SRF: variants seen among roughly 807,000 people sequenced by gnomAD.
SRF encodes the protein serum response factor, also known as c-fos serum response element-binding transcription factor.
In SRF, 7 loss-of-function variants were observed where a neutral mutation model predicts 37.1. The observed-to-expected ratio is 0.19, with a 90% CI of 0.11 to 0.35. The LOEUF is 0.35. Among genes scored for constraint, SRF ranks in the 10% least tolerant of loss-of-function variants. SRF has a pLI of 1.00. For missense variants in SRF, 395 were observed against 694.4 expected, an observed-to-expected ratio of 0.57 and a Z score of 4.85; for synonymous variants, 285 against 310.1, an observed-to-expected ratio of 0.92 and a Z score of 0.85.
At position 43,178,136 on chromosome 6, in the gene SRF, A is replaced by G. The variant is rs1458927825; in HGVS notation, c.1163-158A>G. 6.6e-6 allele frequency among the ~76,000 whole-genome samples: 1 copy of G among 152,206 alleles called. No individual in the cohort carries two copies. Among genetic ancestry groups the G allele is most frequent in the Non-Finnish European group, 1.5e-5 (1 of 68,038 alleles). The stretch of plus-strand genomic sequence containing the variant: ...GATGCTGTTGTGTTCAAGAAAAAAT[A>G]GGCTTTTCTTAGTTGATGATGGAGC... On this transcript the variant is annotated intron_variant, in intron 4 of 6. Coordinates refer to ENST00000265354, the MANE Select transcript of SRF (RefSeq NM_003131.4). This position sits in a 1 kb window ranked among gnomAD's most constrained non-coding sequence, Gnocchi z 4.3.
Position 43,179,337 on chromosome 6 carries a change from C to G in SRF, c.*147C>G. ...GCAGCCACAGGACTGAGCCCTCTCA[C>G]TCCAGCCAAAGAAATGGGCCTGCCT... On this transcript the variant is annotated 3_prime_UTR_variant, in exon 7 of 7. Transcript: ENST00000265354. The surrounding 1 kb of genome is among the most constrained non-coding windows in gnomAD (Gnocchi z 5.3). The G allele has an allele frequency of 1.3e-6, 1 of 787,442 alleles. No individual in the cohort carries two copies. The allele number at this position is 787,442 out of a possible 1,614,324, so 48.8% of individuals were successfully genotyped here.
Position 43,176,570 on chromosome 6 carries a change from C to T in SRF, c.1065C>T (p.Val355=). The T allele has an allele frequency of 1.2e-6, 2 of 1,614,136 alleles. No homozygotes were observed. The highest frequency in any genetic ancestry group is 1.1e-5 in the South Asian group (1 of 91,082). The part of the protein sequence containing the change: ...LMPGGAVAQQ[V]PVQAIQVHQA... ...CAGGTGGGGCAGTGGCCCAGCAGGT[C>T]CCAGTGCAGGCCATTCAAGTGCACC... Residue 355 remains valine (V), a synonymous_variant, in exon 4 of 7, where the codon GTC becomes GTT. Coordinates refer to ENST00000265354, the MANE Select transcript of SRF (RefSeq NM_003131.4). The surrounding 1 kb of genome is among the most constrained non-coding windows in gnomAD (Gnocchi z 4.0).
In SRF at chr6:43,179,455, C is replaced by G. The variant is rs573065323; in HGVS notation, c.*265C>G. ...GCTGTCCTCCTTCCTGGGACCCCCT[C>G]GCCAGCTTGGCTCGATGTTTGCCAT... On this transcript the variant is annotated 3_prime_UTR_variant, in exon 7 of 7. Coordinates refer to ENST00000265354, the MANE Select transcript of SRF (RefSeq NM_003131.4). The surrounding 1 kb of genome is among the most constrained non-coding windows in gnomAD (Gnocchi z 5.3). 37 of 525,546 alleles carry G rather than the reference C, an allele frequency of 7.0e-5. No individual in the cohort carries two copies. In the East Asian group the frequency reaches 1.2e-3, roughly 17 times the overall value. 32.6% of individuals were successfully genotyped at this position (525,546 alleles called of 1,614,324 possible). A position where few individuals can be genotyped will look rare whatever the true frequency, so the allele number is the denominator to read the frequency against.
rs1435160664 is a variant in SRF, at chr6:43,173,046, G to GT, written c.514-798dup. ...TGGATCCTTGGGAACACTGGCTGGTGTTTATTTCTGTCCCATGTAGAAACC... is the reference window on the plus strand; with the variant it reads ...TGGATCCTTGGGAACACTGGCTGGTGTTTTATTTCTGTCCCATGTAGAAACC... On this transcript the variant is annotated intron_variant, in intron 1 of 6. Transcript: ENST00000265354. This position sits in a 1 kb window ranked among gnomAD's most constrained non-coding sequence, Gnocchi z 4.2. Among the ~76,000 whole-genome samples the GT allele has an allele frequency of 6.6e-6, 1 of 152,202 alleles. No individual in the cohort carries two copies. Among genetic ancestry groups the GT allele is most frequent in the Non-Finnish European group, 1.5e-5 (1 of 68,042 alleles).
At position 43,173,736 on chromosome 6, in the gene SRF, T is replaced by C; in HGVS notation, c.514-111T>C. ...CCCTCAGAGTCATTAGAGACGAAGGTCATTATGGGAATGGGGGAATGACAT... is the reference window on the plus strand; with the variant it reads ...CCCTCAGAGTCATTAGAGACGAAGGCCATTATGGGAATGGGGGAATGACAT... On this transcript the variant is annotated intron_variant, in intron 1 of 6. Coordinates refer to ENST00000265354, the MANE Select transcript of SRF (RefSeq NM_003131.4). The surrounding 1 kb of genome is among the most constrained non-coding windows in gnomAD (Gnocchi z 4.2). 1 of 1,409,828 alleles carries C rather than the reference T, an allele frequency of 7.1e-7. No individual in the cohort carries two copies. Among genetic ancestry groups the C allele is most frequent in the Non-Finnish European group, 9.5e-7 (1 of 1,048,968 alleles). 87.3% of individuals were successfully genotyped at this position (1,409,828 alleles called of 1,614,324 possible).
Position 43,172,047 on chromosome 6 carries a change from G to A in SRF, c.391G>A (p.Val131Met). The change falls in exon 1 of 7, where the codon GTG becomes ATG. Residue 131 changes from valine to methionine, a missense_variant. By Grantham distance (21) the Val-to-Met change is conservative. Around this residue, in one of 4 missense-constraint regions of SRF, gnomAD observed 134 missense variants for 204.5 expected, o/e 0.66. Coordinates refer to ENST00000265354, the MANE Select transcript of SRF (RefSeq NM_003131.4). This position sits in a 1 kb window ranked among gnomAD's most constrained non-coding sequence, Gnocchi z 5.7. ...TGGYGPVSGA[V>M]SGAKPGKKTR... is the part of the protein sequence containing the mutation. The stretch of plus-strand genomic sequence containing the variant: ...GGGCTACGGGCCGGTGAGCGGCGCG[G>A]TGAGCGGGGCCAAGCCGGGTAAGAA... The A allele has an allele frequency of 6.2e-7, 1 of 1,604,968 alleles. No individual in the cohort carries two copies. Among genetic ancestry groups the A allele is most frequent in the Non-Finnish European group, 8.5e-7 (1 of 1,176,564 alleles).
Position 43,179,767 on chromosome 6 carries a change from G to A in SRF, c.*577G>A, listed in dbSNP as rs9462872. On this transcript the variant is annotated 3_prime_UTR_variant, in exon 7 of 7. Coordinates refer to ENST00000265354, the MANE Select transcript of SRF (RefSeq NM_003131.4). The surrounding 1 kb of genome is among the most constrained non-coding windows in gnomAD (Gnocchi z 5.3). Reference sequence around the variant, plus strand: ...GTGCACTGGGCAGGTTCCTGGGGCCGCCTGCCCTGCCTTGCCGCTCCCCTT... The same window carrying A: ...GTGCACTGGGCAGGTTCCTGGGGCCACCTGCCCTGCCTTGCCGCTCCCCTT... The A allele has an allele frequency of 0.012, 1,903 of 155,084 alleles. 18 individuals are homozygous for A. Among genetic ancestry groups the A allele is most frequent in the Non-Finnish European group, 0.021 (1,443 of 69,520 alleles). The allele number at this position is 155,084 out of a possible 1,614,324, so 9.6% of individuals were successfully genotyped here.
chr6:43,177,826 A>G (rs1039224394), intron 4 of SRF, among the ~76,000 whole-genome samples: 3 of 151,190 alleles, frequency 2.0e-5, no homozygotes, highest in African/African-American at 4.9e-5. Flanking sequence ...GAGGCAGGAG[A>G]ATGGCATGAG....
chr6:43,173,764 C>G lies in SRF; in HGVS notation c.514-83C>G. 3 of 1,520,738 alleles carry G rather than the reference C, an allele frequency of 2.0e-6. No homozygotes were observed. The highest frequency in any genetic ancestry group is 2.7e-6 in the Non-Finnish European group (3 of 1,124,618). The allele number at this position is 1,520,738 out of a possible 1,614,324, so 94.2% of individuals were successfully genotyped here. On this transcript the variant is annotated intron_variant, in intron 1 of 6. Coordinates refer to ENST00000265354, the MANE Select transcript of SRF (RefSeq NM_003131.4). The surrounding 1 kb of genome is among the most constrained non-coding windows in gnomAD (Gnocchi z 4.2). ...TTATGGGAATGGGGGAATGACATCA[C>G]TGTATAATTCTTTTTCCAACTTCTC...
In SRF at chr6:43,173,085, AG is replaced by A. The variant is rs1420837870; in HGVS notation, c.514-760del. Among the ~76,000 whole-genome samples, 2 of 152,114 alleles carry A rather than the reference AG, an allele frequency of 1.3e-5. No homozygotes were observed. Among genetic ancestry groups the A allele is most frequent in the Non-Finnish European group, 2.9e-5 (2 of 68,020 alleles). ...CATGTAGAAACCAGAGCTGCTTCCA[AG>A]GTGGTTTGCAGAACTTTGTTGGGAG... On this transcript the variant is annotated intron_variant, in intron 1 of 6. Transcript: ENST00000265354. This position sits in a 1 kb window ranked among gnomAD's most constrained non-coding sequence, Gnocchi z 4.2.
Position 43,173,195 on chromosome 6 carries a change from C to T in SRF, c.514-652C>T, listed in dbSNP as rs1398014241. Among the ~76,000 whole-genome samples the T allele has an allele frequency of 2.0e-5, 3 of 152,124 alleles. No individual in the cohort carries two copies. The highest frequency in any genetic ancestry group is 7.2e-5 in the African/African-American group (3 of 41,428). On this transcript the variant is annotated intron_variant, in intron 1 of 6. Coordinates refer to ENST00000265354, the MANE Select transcript of SRF (RefSeq NM_003131.4). The surrounding 1 kb of genome is among the most constrained non-coding windows in gnomAD (Gnocchi z 4.2). ...TTTAGTGCTAATCTAGGTCTCGTCT[C>T]CCATCACTCCAGACACTGTTGTATC...
chr6:43,177,771 C>T (rs929309945), intron 4 of SRF, among the ~76,000 whole-genome samples: 5 of 151,480 alleles, frequency 3.3e-5, no homozygotes, highest in African/African-American at 4.8e-5. Flanking sequence ...AAAAATTAGC[C>T]GGGCTTGATG....
chr6:43,177,595 A>G (rs1416536188), intron 4 of SRF, among the ~76,000 whole-genome samples: 1 of 151,224 alleles, frequency 6.6e-6, no homozygotes, highest in Non-Finnish European at 1.5e-5. Context: ...GCTTGTTTGA[A>G]AGATGAATTT....
At chr6:43,177,322 C>T (rs1772220637) in intron 4 of SRF, among the ~76,000 whole-genome samples, 2 of 149,392 alleles carry the variant, frequency 1.3e-5, no homozygotes, top group South Asian at 2.1e-4. Flanking sequence ...CTCTGCCTCC[C>T]GGGTTCACGC....
rs1772197914 is a variant in SRF, at chr6:43,176,363, A to G, written c.1043-185A>G. Among the ~76,000 whole-genome samples the G allele has an allele frequency of 6.6e-6, 1 of 152,160 alleles. No individual in the cohort carries two copies. Among genetic ancestry groups the G allele is most frequent in the Non-Finnish European group, 1.5e-5 (1 of 68,028 alleles). On this transcript the variant is annotated intron_variant, in intron 3 of 6. Coordinates refer to ENST00000265354, the MANE Select transcript of SRF (RefSeq NM_003131.4). The surrounding 1 kb of genome is among the most constrained non-coding windows in gnomAD (Gnocchi z 4.0). ...AGGGCAGGAGGAGGAGGGATGGGCA[A>G]GAGTAGAGCGTGGAAGCCCCCAGAG...
At position 43,172,210 on chromosome 6, in the gene SRF, G is replaced by T. The variant is rs1772121938; in HGVS notation, c.513+41G>T. On this transcript the variant is annotated intron_variant, in intron 1 of 6. Coordinates refer to ENST00000265354, the MANE Select transcript of SRF (RefSeq NM_003131.4). The surrounding 1 kb of genome is among the most constrained non-coding windows in gnomAD (Gnocchi z 5.7). The stretch of plus-strand genomic sequence containing the variant: ...GCTGGCCGGCCCCGGGGCCCGGTTG[G>T]GGTGGGGATGTGCAAAGGGAGCCCG... 4.4e-6 allele frequency: 7 copies of T among 1,587,466 alleles called. No individual in the cohort carries two copies. Among genetic ancestry groups the T allele is most frequent in the South Asian group, 1.1e-5 (1 of 89,452 alleles).
Position 43,175,788 on chromosome 6 carries a change from C to T in SRF, c.863C>T (p.Thr288Ile). The change falls in exon 3 of 7, where the codon ACC becomes ATC. Residue 288 changes from threonine to isoleucine, a missense_variant. Physicochemically the swap from Thr to Ile is moderately conservative, Grantham distance 89 (BLOSUM62 -1). Coordinates refer to ENST00000265354, the MANE Select transcript of SRF (RefSeq NM_003131.4). ...TIQTAPSTST[T>I]MQVSSGPSFP... ...CAAACAGCACCTAGCACCTCTACCA[C>T]CATGCAAGTCAGCAGCGGCCCCTCC... The T allele has an allele frequency of 6.2e-7, 1 of 1,614,260 alleles. No individual in the cohort carries two copies. Among genetic ancestry groups the T allele is most frequent in the Non-Finnish European group, 8.5e-7 (1 of 1,180,046 alleles).
At position 43,172,465 on chromosome 6, in the gene SRF, A is replaced by G. The variant is rs928834525; in HGVS notation, c.513+296A>G. The stretch of plus-strand genomic sequence containing the variant: ...CTGAGTGAAGGGGTGAGGAGCGGTG[A>G]TGGGAGGCTACGAGGCTGCCGGGGA... On this transcript the variant is annotated intron_variant, in intron 1 of 6. Coordinates refer to ENST00000265354, the MANE Select transcript of SRF (RefSeq NM_003131.4). This position sits in a 1 kb window ranked among gnomAD's most constrained non-coding sequence, Gnocchi z 5.7. 1 of 985,328 alleles carries G rather than the reference A, an allele frequency of 1.0e-6. No homozygotes were observed. The highest frequency in any genetic ancestry group is 1.7e-5 in the African/African-American group (1 of 57,340). 61.0% of individuals were successfully genotyped at this position (985,328 alleles called of 1,614,324 possible). A position where few individuals can be genotyped will look rare whatever the true frequency, so the allele number is the denominator to read the frequency against.
Position 43,179,087 on chromosome 6 carries a change from C to T in SRF, c.1432-8C>T, listed in dbSNP as rs1772257314. On this transcript the variant is annotated splice_region_variant and splice_polypyrimidine_tract_variant and intron_variant, in intron 6 of 6. Transcript: ENST00000265354. This position sits in a 1 kb window ranked among gnomAD's most constrained non-coding sequence, Gnocchi z 5.3. ...CCTGCCCCTCCTCATACATCCCCTT[C>T]CCTCCAGATGGCTGTGATAGGGCAG... 4 of 1,613,932 alleles carry T rather than the reference C, an allele frequency of 2.5e-6. No individual in the cohort carries two copies. Among genetic ancestry groups the T allele is most frequent in the African/African-American group, 1.3e-5 (1 of 75,058 alleles).
Sources: gnomAD v4.1 joint callset for allele counts (sites outside exome capture counted in the v4.1 genomes callset) on GRCh38, gnomAD v4.1.1 for gene constraint, gnomAD v4.1.1 regional missense constraint, Gnocchi (gnomAD v3.1) non-coding constraint, MANE v1.5 for transcripts, NCBI Gene and HGNC (gene_info 2026-07-23, HGNC 2026-07-21) for gene names.